MAGI1: variants seen among roughly 807,000 people sequenced by gnomAD.
The protein encoded by MAGI1 is membrane associated guanylate kinase, WW and PDZ domain containing 1, also known as membrane-associated guanylate kinase, WW and PDZ domain-containing protein 1.
A neutral mutation model predicts 139.9 loss-of-function variants in MAGI1; 58 were observed. The ratio of observed to expected loss-of-function variants is 0.41; its 90% CI spans 0.34 to 0.52. MAGI1 has a LOEUF of 0.52. Ranked by LOEUF, MAGI1 falls within the 20% of genes least tolerant of loss-of-function variation. MAGI1 has a pLI of 0.12. For synonymous variants in MAGI1, 812 were observed against 737.9 expected (o/e 1.10, Z -1.63); for missense variants, 1,874 against 1,901.6 (o/e 0.99, Z 0.27).
chr3:65,829,857 T>C (rs1218828184), intron 1 of MAGI1, among the ~76,000 whole-genome samples: 3 of 152,204 alleles, frequency 2.0e-5, no homozygotes, highest in Non-Finnish European at 2.9e-5. Context: ...CAGTGTAATA[T>C]GTTTGTATAA....
Position 65,527,614 on chromosome 3 carries a change from A to G in MAGI1, c.431-33983T>C, listed in dbSNP as rs140120211. On this transcript the variant is annotated intron_variant, in intron 2 of 22. Coordinates refer to ENST00000402939, the MANE Select transcript of MAGI1 (RefSeq NM_001033057.2). Reference sequence around the variant, plus strand: ...GTGGCAGACGCCTGTAGTCCCAGCTACTAGGGAGGCTGAGGCAAGAGAACA... The same window carrying G: ...GTGGCAGACGCCTGTAGTCCCAGCTGCTAGGGAGGCTGAGGCAAGAGAACA... Among the ~76,000 whole-genome samples, 11 of 152,196 alleles carry G rather than the reference A, an allele frequency of 7.2e-5. No homozygotes were observed. The East Asian group carries it at 1.9e-3, about 27-fold the overall frequency.
At chr3:65,621,761 T>C (rs758706917) in intron 2 of MAGI1, among the ~76,000 whole-genome samples, 20 of 152,134 alleles carry the variant, frequency 1.3e-4, no homozygotes, top group Non-Finnish European at 2.6e-4. Flanking sequence ...AAAGGGTAGA[T>C]AATTTGCCCC....
At chr3:65,625,991 C>T (rs964532777) in intron 1 of MAGI1, among the ~76,000 whole-genome samples, 3 of 152,104 alleles carry the variant, frequency 2.0e-5, no homozygotes, top group Non-Finnish European at 4.4e-5. Context: ...GATCTCTCTA[C>T]CTGCTAACTC....
At chr3:65,995,674 T>C (rs2066408186) in intron 1 of MAGI1, among the ~76,000 whole-genome samples, 1 of 152,092 alleles carries the variant, frequency 6.6e-6, no homozygotes, top group South Asian at 2.1e-4. Flanking sequence ...GCAGCAAATT[T>C]AACAACCTCC....
chr3:65,387,393 T>TC (rs1943540611), intron 14 of MAGI1, among the ~76,000 whole-genome samples: 1 of 151,660 alleles, frequency 6.6e-6, no homozygotes, highest in Non-Finnish European at 1.5e-5. Flanking sequence ...TCTTTCTTTT[T>TC]TTTTTTACAG....
chr3:65,892,223 A>C (rs534823500), intron 1 of MAGI1, among the ~76,000 whole-genome samples: 182 of 152,162 alleles, frequency 1.2e-3, no homozygotes, highest in African/African-American at 4.0e-3. Context: ...CCTAACTGTG[A>C]AGCTATTTTT....
chr3:65,997,352 C>A (rs921026336), intron 1 of MAGI1, among the ~76,000 whole-genome samples: 2 of 152,098 alleles, frequency 1.3e-5, no homozygotes, highest in African/African-American at 2.4e-5. Context: ...ATCGGCCTCA[C>A]AGAACTCAGT....
At chr3:66,002,177 A>G (rs2066777822) in intron 1 of MAGI1, among the ~76,000 whole-genome samples, 1 of 152,232 alleles carries the variant, frequency 6.6e-6, no homozygotes, top group African/African-American at 2.4e-5. Context: ...TAGCTTAGAA[A>G]TAAGGCATTT....
rs1385450651 is a variant in MAGI1, at chr3:65,997,313, T to C, written c.313+40683A>G. ...AGATTTGCCAAGATTTATAAAATGATTGCAATGTCATGCTACAAAGAAAAG... is the reference window on the plus strand; with the variant it reads ...AGATTTGCCAAGATTTATAAAATGACTGCAATGTCATGCTACAAAGAAAAG... On this transcript the variant is annotated intron_variant, in intron 1 of 22. Transcript: ENST00000402939. Among the ~76,000 whole-genome samples, 6 of 152,144 alleles carry C rather than the reference T, an allele frequency of 3.9e-5. No individual in the cohort carries two copies. The East Asian group carries it at 5.8e-4, about 15-fold the overall frequency.
intron 1 of MAGI1, among the ~76,000 whole-genome samples, chr3:65,788,624 T>A (rs764922728): frequency 6.6e-6 from 1 of 152,222 alleles, no homozygotes; most frequent in Non-Finnish European, 1.5e-5. Flanking sequence ...TAAAATCATC[T>A]CTACGGTAGC....
chr3:65,546,971 A>ATG (rs1346435788), intron 2 of MAGI1, among the ~76,000 whole-genome samples: 1 of 152,202 alleles, frequency 6.6e-6, no homozygotes, highest in African/African-American at 2.4e-5. Context: ...CTATGCATAC[A>ATG]TGTGAGGATG....
intron 10 of MAGI1, among the ~76,000 whole-genome samples, chr3:65,434,902 T>C (rs1008413925): frequency 6.6e-6 from 1 of 152,030 alleles, no homozygotes; most frequent in African/African-American, 2.4e-5. Context: ...TATTGAATGG[T>C]ATTTGGAAGT....
At chr3:65,407,577 T>TG (rs1423267504) in intron 12 of MAGI1, among the ~76,000 whole-genome samples, 3 of 152,134 alleles carry the variant, frequency 2.0e-5, no homozygotes, top group African/African-American at 7.2e-5. Flanking sequence ...ATTCAGTGAT[T>TG]GGGGGAAATA....
intron 2 of MAGI1, among the ~76,000 whole-genome samples, chr3:65,496,452 T>G (rs748551864): frequency 1.3e-5 from 2 of 152,156 alleles, no homozygotes; most frequent in African/African-American, 2.4e-5. Flanking sequence ...GTTACCATAG[T>G]GTCCAGGTGA....
chr3:65,931,411 CTT>C (rs1393841924), intron 1 of MAGI1, among the ~76,000 whole-genome samples: 2 of 152,334 alleles, frequency 1.3e-5, no homozygotes, highest in African/African-American at 4.8e-5. Flanking sequence ...AGAACCCTCT[CTT>C]GAGGTCTAGA....
intron 1 of MAGI1, among the ~76,000 whole-genome samples, chr3:66,009,885 G>C (rs371420774): frequency 6.6e-6 from 1 of 151,820 alleles, no homozygotes; most frequent in African/African-American, 2.4e-5. Context: ...AGACCAGCCT[G>C]GTTAACATGG....
intron 1 of MAGI1, among the ~76,000 whole-genome samples, chr3:65,864,811 A>T (rs1332354419): frequency 6.6e-6 from 1 of 152,164 alleles, no homozygotes; most frequent in Admixed American, 6.5e-5. Flanking sequence ...TCCAAATCTA[A>T]ACTACAGTCA....
intron 2 of MAGI1, among the ~76,000 whole-genome samples, chr3:65,530,774 CACACATATATAT>C (rs1559642941): frequency 9.6e-4 from 12 of 12,526 alleles, no homozygotes; most frequent in Middle Eastern, 0.024. Flanking sequence ...TATATATATA[CACACATATATAT>C]ACACGTATAT....
intron 2 of MAGI1, among the ~76,000 whole-genome samples, chr3:65,537,981 T>A (rs2107887101): frequency 6.6e-6 from 1 of 151,744 alleles, no homozygotes; most frequent in East Asian, 2.0e-4. Flanking sequence ...AATAAAAAAA[T>A]AAAAATCAGC....
Sources: gnomAD v4.1 joint callset for allele counts (sites outside exome capture counted in the v4.1 genomes callset) on GRCh38, gnomAD v4.1.1 for gene constraint, MANE v1.5 for transcripts, NCBI Gene and HGNC (gene_info 2026-07-23, HGNC 2026-07-21) for gene names.